The following ZFHX3 variants were observed in gnomAD, a reference collection of about 807,000 sequenced individuals.
ZFHX3 encodes the protein zinc finger homeobox protein 3.
In ZFHX3, 42 loss-of-function variants were observed where a neutral mutation model predicts 279.1. That is an observed-to-expected ratio of 0.15 (90% CI 0.12 to 0.19). ZFHX3 has a LOEUF of 0.19. Ranked by LOEUF, ZFHX3 falls within the 10% of genes least tolerant of loss-of-function variation. The pLI is 1.00. For synonymous variants in ZFHX3, 2,293 were observed against 1,957.8 expected, an observed-to-expected ratio of 1.17 and a Z score of -4.52; for missense variants, 4,981 against 4,754.0, an observed-to-expected ratio of 1.05 and a Z score of -1.40.
intron 4 of ZFHX3, among the ~76,000 whole-genome samples, chr16:72,868,563 C>T (rs1256083399): frequency 2.0e-5 from 3 of 152,238 alleles, no homozygotes; most frequent in East Asian, 1.9e-4. Context: ...CTCAGGGCTC[C>T]GCACTCCCTA....
At chr16:73,124,295 C>G (rs1254689623) in intron 7 of ZFHX3, among the ~76,000 whole-genome samples, 1 of 152,120 alleles carries the variant, frequency 6.6e-6, no homozygotes, top group Non-Finnish European at 1.5e-5. Flanking sequence ...GGCCTGCGTT[C>G]TGGTTCATAG....
chr16:73,070,927 C>G lies in ZFHX3; in HGVS notation c.-532-11915G>C, dbSNP rs1429187789. 9.7e-5 allele frequency among the ~76,000 whole-genome samples: 3 copies of G among 30,930 alleles called. No individual in the cohort carries two copies. The South Asian group carries it at 6.0e-3, about 62-fold the overall frequency. 20.3% of individuals were successfully genotyped at this position (30,930 alleles called of 152,430 possible). ...TCCTAGACCGTCTTGCGCGCGCGCG[C>G]GCGCGCGCGCGCACACACACACACA... On this transcript the variant is annotated intron_variant, in intron 8 of 17. Coordinates refer to the ZFHX3 transcript ENST00000641206.
intron 3 of ZFHX3, among the ~76,000 whole-genome samples, chr16:73,435,994 T>C (rs893556386): frequency 3.9e-5 from 6 of 152,172 alleles, no homozygotes; most frequent in African/African-American, 1.4e-4. Flanking sequence ...GTCCGTTTTC[T>C]CACTGCTGAT....
chr16:73,420,578 G>A (rs1408632972), intron 3 of ZFHX3: 1 of 152,212 alleles, frequency 6.6e-6, no homozygotes, highest in African/African-American at 2.4e-5. Flanking sequence ...GAATAACCCT[G>A]CTTTGTTTGA....
intron 2 of ZFHX3, among the ~76,000 whole-genome samples, chr16:73,561,898 C>A (rs1054603496): frequency 6.6e-6 from 1 of 152,172 alleles, no homozygotes; most frequent in East Asian, 1.9e-4. Context: ...CCTCTCCACT[C>A]TGGAGCAGTT....
intron 5 of ZFHX3, among the ~76,000 whole-genome samples, chr16:73,244,447 G>A (rs2013220428): frequency 6.6e-6 from 1 of 152,166 alleles, no homozygotes; most frequent in African/African-American, 2.4e-5. Flanking sequence ...AAGCCTCTTC[G>A]AGGGACAGGA....
chr16:72,796,632 C>G lies in ZFHX3; in HGVS notation c.6050G>C (p.Arg2017Thr), dbSNP rs1597241107. ...QNYFPFKQLE[R>T]FAKQYRDHYD... ...GTGGTCTCTGTACTGTTTGGCAAAC[C>G]TCTCGAGCTGTTTGAAAGGAAAGTA... Residue 2017 changes from arginine (R) to threonine (T), a missense_variant, in exon 9 of 10, where the codon AGG becomes ACG. By Grantham distance (71) the Arg-to-Thr change is moderately conservative. Transcript: ENST00000268489. 6.2e-7 allele frequency: 1 copy of G among 1,614,010 alleles called. No homozygotes were observed. The highest frequency in any genetic ancestry group is 8.5e-7 in the Non-Finnish European group (1 of 1,180,024).
chr16:72,794,204 G>T lies in ZFHX3; in HGVS notation c.8478C>A (p.Asp2826Glu), dbSNP rs757440693. The change falls in exon 9 of 10, where the codon GAC becomes GAA. Residue 2826 changes from aspartate to glutamate, a missense_variant. By Grantham distance (45) the Asp-to-Glu change is conservative (BLOSUM62 2). Transcript: ENST00000268489. The surrounding 1 kb of genome is among the most constrained non-coding windows in gnomAD (Gnocchi z 4.2). Reference protein sequence around the residue: ...PSMSSVNLNFDQTKLDNDDCS... With the variant: ...PSMSSVNLNFEQTKLDNDDCS... ...AGTCATCGTTGTCCAGCTTAGTTTG[G>T]TCAAAGTTTAGATTAACTGAGGACA... The T allele has an allele frequency of 2.5e-6, 4 of 1,614,196 alleles. No homozygotes were observed. The Admixed American group carries it at 6.7e-5, about 27-fold the overall frequency.
At chr16:72,890,824 A>T (rs947081866) in intron 3 of ZFHX3, among the ~76,000 whole-genome samples, 1 of 152,266 alleles carries the variant, frequency 6.6e-6, no homozygotes, top group Admixed American at 6.5e-5. Context: ...CCATTGATTT[A>T]CATACTGTCT....
chr16:73,316,009 G>T (rs374068900), intron 4 of ZFHX3, among the ~76,000 whole-genome samples: 1 of 152,166 alleles, frequency 6.6e-6, no homozygotes, highest in African/African-American at 2.4e-5. Context: ...TCTTAGTGGG[G>T]GTTGGAAACC....
chr16:73,221,037 T>C (rs904478837), intron 5 of ZFHX3, among the ~76,000 whole-genome samples: 3 of 152,064 alleles, frequency 2.0e-5, no homozygotes, highest in Non-Finnish European at 4.4e-5. Flanking sequence ...CAAAGATTGA[T>C]CTCTAGGGGC....
chr16:73,348,191 G>A (rs1379822150), intron 3 of ZFHX3, among the ~76,000 whole-genome samples: 1 of 152,094 alleles, frequency 6.6e-6, no homozygotes. Flanking sequence ...TTTTCTGCTG[G>A]CCACCAAGAC....
intron 4 of ZFHX3, among the ~76,000 whole-genome samples, chr16:73,281,910 T>G (rs1442225095): frequency 6.6e-6 from 1 of 152,186 alleles, no homozygotes; most frequent in African/African-American, 2.4e-5. Context: ...CGGCCTGTTT[T>G]GGGGCCAGAC....
intron 3 of ZFHX3, among the ~76,000 whole-genome samples, chr16:73,357,657 C>G (rs16971782): frequency 0.039 from 5,907 of 152,276 alleles, 292 homozygotes; most frequent in African/African-American, 0.12. Flanking sequence ...CCCCTTGGAC[C>G]AGCAGACAGA....
intron 1 of ZFHX3, among the ~76,000 whole-genome samples, chr16:73,688,968 T>A (rs1187841384): frequency 6.6e-6 from 1 of 152,152 alleles, no homozygotes; most frequent in Non-Finnish European, 1.5e-5. Flanking sequence ...GAACTGTGAG[T>A]CCATTAAGCC....
chr16:73,454,266 T>C (rs1327290531), intron 3 of ZFHX3, among the ~76,000 whole-genome samples: 2 of 152,190 alleles, frequency 1.3e-5, no homozygotes, highest in Admixed American at 1.3e-4. Flanking sequence ...CAATCTTGGG[T>C]ACCCATGACA....
intron 4 of ZFHX3, among the ~76,000 whole-genome samples, chr16:72,861,422 T>C (rs2037884652): frequency 6.6e-6 from 1 of 152,242 alleles, no homozygotes; most frequent in Admixed American, 6.5e-5. Flanking sequence ...AAGCCCTCCC[T>C]GGGAGGCGGG....
At chr16:72,831,651 C>T (rs938014067) in intron 4 of ZFHX3, among the ~76,000 whole-genome samples, 4 of 152,138 alleles carry the variant, frequency 2.6e-5, no homozygotes, top group Non-Finnish European at 5.9e-5. Flanking sequence ...CCAGGTGGGA[C>T]GTTCTGTGCA....
intron 4 of ZFHX3, among the ~76,000 whole-genome samples, chr16:73,275,986 G>T (rs544665767): frequency 2.0e-5 from 3 of 151,624 alleles, no homozygotes; most frequent in Non-Finnish European, 2.9e-5. Context: ...AAGAGTGATG[G>T]GGGGGGACAG....
Sources: gnomAD v4.1 joint callset for allele counts (sites outside exome capture counted in the v4.1 genomes callset) on GRCh38, gnomAD v4.1.1 for gene constraint, Gnocchi (gnomAD v3.1) non-coding constraint, MANE v1.5 for transcripts, NCBI Gene and HGNC (gene_info 2026-07-23, HGNC 2026-07-21) for gene names.